The following ZNF704 variants were observed in gnomAD, a reference collection of about 807,000 sequenced individuals.
ZNF704 encodes zinc finger protein 704.
A neutral mutation model predicts 44.7 loss-of-function variants in ZNF704; 10 were observed. The ratio of observed to expected loss-of-function variants is 0.22; its 90% CI spans 0.14 to 0.38. The LOEUF (loss-of-function observed/expected upper bound fraction) is 0.38, where lower values mean the gene tolerates loss of function less well. Ranked by LOEUF, ZNF704 falls within the 10% of genes least tolerant of loss-of-function variation. ZNF704 has a pLI of 1.00. For synonymous variants in ZNF704, 211 were observed against 207.6 expected, an observed-to-expected ratio of 1.02 and a Z score of -0.14; for missense variants, 390 against 545.5, an observed-to-expected ratio of 0.71 and a Z score of 2.84.
chr8:80,771,834 C>A (rs895615530), intron 2 of ZNF704, among the ~76,000 whole-genome samples: 24 of 152,034 alleles, frequency 1.6e-4, no homozygotes, highest in African/African-American at 5.1e-4. Flanking sequence ...TATTATTTGC[C>A]CTTTATCAGG....
Position 80,632,751 on chromosome 8 carries a change from G to C in ZNF704, c.*8615C>G, listed in dbSNP as rs1342835895. The C allele has an allele frequency of 1.3e-5, 2 of 152,052 alleles. No individual in the cohort carries two copies. The highest frequency in any genetic ancestry group is 2.4e-5 in the African/African-American group (1 of 41,368). The allele number at this position is 152,052 out of a possible 1,614,324, so 9.4% of individuals were successfully genotyped here. ...GTGGTTACCTGCTTTCGGAACCATA[G>C]CTTTCTTCTTTCTTTCTTCATGGGT... On this transcript the variant is annotated 3_prime_UTR_variant, in exon 9 of 9. Transcript: ENST00000327835.
At chr8:80,818,175 G>C (rs1361546872) in intron 2 of ZNF704, among the ~76,000 whole-genome samples, 1 of 152,020 alleles carries the variant, frequency 6.6e-6, no homozygotes, top group African/African-American at 2.4e-5. Flanking sequence ...TTACAAACCA[G>C]AGAAAGTAAA....
At chr8:80,723,819 A>G (rs548800064) in intron 2 of ZNF704, among the ~76,000 whole-genome samples, 3 of 152,366 alleles carry the variant, frequency 2.0e-5, no homozygotes, top group African/African-American at 7.2e-5. Context: ...ACAGCCTGTC[A>G]GCTGTTAATT....
rs1161206875 is a variant in ZNF704 at position 80,635,997 on chromosome 8, A to G, written c.*5369T>C. The G allele has an allele frequency of 1.3e-5, 2 of 152,202 alleles. No homozygotes were observed. Among genetic ancestry groups the G allele is most frequent in the African/African-American group, 4.8e-5 (2 of 41,456 alleles). 9.4% of individuals were successfully genotyped at this position (152,202 alleles called of 1,614,324 possible). A position where few individuals can be genotyped will look rare whatever the true frequency, so the allele number is the denominator to read the frequency against. ...ACTATATTTTAAAAAATAAGCTACA[A>G]TGTATAAAACCAAGGTCATTTCTCA... On this transcript the variant is annotated 3_prime_UTR_variant, in exon 9 of 9. Coordinates refer to ENST00000327835, the MANE Select transcript of ZNF704 (RefSeq NM_001033723.3).
At chr8:80,848,744 G>A (rs879263935) in intron 1 of ZNF704, among the ~76,000 whole-genome samples, 2 of 151,786 alleles carry the variant, frequency 1.3e-5, no homozygotes, top group African/African-American at 2.4e-5. Flanking sequence ...CTGCACTCCA[G>A]CCTGGGTGAT....
intron 2 of ZNF704, among the ~76,000 whole-genome samples, chr8:80,768,623 T>C (rs1185039219): frequency 1.3e-5 from 2 of 152,188 alleles, no homozygotes; most frequent in Non-Finnish European, 2.9e-5. Context: ...GTAATTTTAA[T>C]AACACAAGGT....
intron 2 of ZNF704, among the ~76,000 whole-genome samples, chr8:80,781,879 C>T (rs1300219491): frequency 6.6e-6 from 1 of 152,188 alleles, no homozygotes; most frequent in African/African-American, 2.4e-5. Context: ...TAGTTTAATT[C>T]CACCGTTTTT....
At chr8:80,677,169 G>A (rs1252405691) in intron 4 of ZNF704, among the ~76,000 whole-genome samples, 2 of 152,118 alleles carry the variant, frequency 1.3e-5, no homozygotes, top group Admixed American at 6.5e-5. Context: ...ATTATTGTAC[G>A]ACATATAAAG....
At chr8:80,877,220 G>A (rs1460838839), upstream of ZNF704, among the ~76,000 whole-genome samples, 1 of 145,640 alleles carries the variant, frequency 6.9e-6, no homozygotes, top group Non-Finnish European at 1.5e-5. Context: ...AAAAGACCTG[G>A]CCTTGGCTTT....
At chr8:80,788,338 G>C (rs1807648408) in intron 2 of ZNF704, among the ~76,000 whole-genome samples, 1 of 152,144 alleles carries the variant, frequency 6.6e-6, no homozygotes, top group Admixed American at 6.5e-5. Context: ...AATGCTCAAT[G>C]AACTAGAATG....
At chr8:80,768,181 G>C (rs1422185421) in intron 2 of ZNF704, among the ~76,000 whole-genome samples, 1 of 152,104 alleles carries the variant, frequency 6.6e-6, no homozygotes, top group Non-Finnish European at 1.5e-5. Flanking sequence ...ACAAGCAGGA[G>C]TAAGTGTGAT....
At position 80,684,231 on chromosome 8, in the gene ZNF704, T is replaced by G. The variant is rs1490291588; in HGVS notation, c.558+2995A>C. 3.9e-5 allele frequency among the ~76,000 whole-genome samples: 6 copies of G among 152,212 alleles called. No individual in the cohort carries two copies. The East Asian group carries it at 1.2e-3, about 29-fold the overall frequency. On this transcript the variant is annotated intron_variant, in intron 4 of 8. Coordinates refer to ENST00000327835, the MANE Select transcript of ZNF704 (RefSeq NM_001033723.3). ...AATTTACCACAAATTGTATTATCTCTTTATAACAAAGAACAGAAGCTTCCA... is the reference window on the plus strand; with the variant it reads ...AATTTACCACAAATTGTATTATCTCGTTATAACAAAGAACAGAAGCTTCCA...
the ZNF704 span, among the ~76,000 whole-genome samples, chr8:80,883,203 G>A: frequency 1.2e-4 from 17 of 136,322 alleles, no homozygotes; most frequent in East Asian, 4.2e-4. Context: ...CTGAGATCAC[G>A]CCACTGCACT....
chr8:80,757,770 T>C (rs964832359), intron 2 of ZNF704, among the ~76,000 whole-genome samples: 3 of 152,200 alleles, frequency 2.0e-5, no homozygotes, highest in Non-Finnish European at 4.4e-5. Context: ...ACAAATACCA[T>C]TGTGTTACAA....
At chr8:80,878,759 TTA>T (rs1278497438), upstream of ZNF704, among the ~76,000 whole-genome samples, 1 of 152,232 alleles carries the variant, frequency 6.6e-6, no homozygotes, top group Non-Finnish European at 1.5e-5. Context: ...AGCAATTAAC[TTA>T]AACTCTCTTT....
chr8:80,687,985 C>T lies in ZNF704; in HGVS notation c.326-527G>A, dbSNP rs544430523. On this transcript the variant is annotated intron_variant, in intron 3 of 8. Coordinates refer to ENST00000327835, the MANE Select transcript of ZNF704 (RefSeq NM_001033723.3). ...TTTTGAGAGGCTGAGGTAGGAGGAT[C>T]GCTTGAGGCCAGGAATTCGAGGCCA... is the stretch of plus-strand genomic sequence containing the variant. Among the ~76,000 whole-genome samples the T allele has an allele frequency of 1.1e-4, 17 of 152,152 alleles. No individual in the cohort carries two copies. In the South Asian group the frequency reaches 1.5e-3, roughly 13 times the overall value.
chr8:80,704,603 G>A, intron 2 of ZNF704, among the ~76,000 whole-genome samples: 1 of 152,160 alleles, frequency 6.6e-6, no homozygotes, highest in East Asian at 1.9e-4. Context: ...TCTGGGGGTG[G>A]TGGGGGAAAG....
Position 80,629,057 on chromosome 8 carries a change from T to TA in ZNF704, c.*12308dup, listed in dbSNP as rs60894313. On this transcript the variant is annotated 3_prime_UTR_variant, in exon 9 of 9. Coordinates refer to ENST00000327835, the MANE Select transcript of ZNF704 (RefSeq NM_001033723.3). ...AATATTTAGGAAACATTTTTTTTTTTAAAAAACGAACACACAAAGTCCAAA... is the reference window on the plus strand; with the variant it reads ...AATATTTAGGAAACATTTTTTTTTTTAAAAAAACGAACACACAAAGTCCAAA... 1 of 151,366 alleles carries TA rather than the reference T, an allele frequency of 6.6e-6. No individual in the cohort carries two copies. The highest frequency in any genetic ancestry group is 1.5e-5 in the Non-Finnish European group (1 of 67,832). 9.4% of individuals were successfully genotyped at this position (151,366 alleles called of 1,614,324 possible). A position where few individuals can be genotyped will look rare whatever the true frequency, so the allele number is the denominator to read the frequency against.
At chr8:80,818,465 A>G (rs1175138377) in intron 2 of ZNF704, among the ~76,000 whole-genome samples, 1 of 152,202 alleles carries the variant, frequency 6.6e-6, no homozygotes, top group Non-Finnish European at 1.5e-5. Context: ...AAAATGCCAT[A>G]GTATTTAAAT....
Sources: gnomAD v4.1 joint callset for allele counts (sites outside exome capture counted in the v4.1 genomes callset) on GRCh38, gnomAD v4.1.1 for gene constraint, MANE v1.5 for transcripts, NCBI Gene and HGNC (gene_info 2026-07-23, HGNC 2026-07-21) for gene names.